Variants in CCDC39 observed in about 807,000 individuals in gnomAD.
CCDC39 encodes coiled-coil domain-containing protein 39.
Under a neutral mutation model 121.0 loss-of-function variants are expected in CCDC39, and 113 were observed. That is an observed-to-expected ratio of 0.93 (90% CI 0.80 to 1.09). The LOEUF is 1.09. CCDC39 is among the 50% of genes least tolerant of loss of function. The pLI is 0.00. For missense variants in CCDC39, 1,063 were observed against 1,074.7 expected (o/e 0.99, Z 0.15); for synonymous variants, 349 against 352.2 (o/e 0.99, Z 0.10).
At chr3:180,631,064 T>G (rs898819562) in intron 14 of CCDC39, among the ~76,000 whole-genome samples, 1 of 152,176 alleles carries the variant, frequency 6.6e-6, no homozygotes, top group Non-Finnish European at 1.5e-5. Flanking sequence ...AGAGTGATAA[T>G]AGGTCTTAAA....
At chr3:180,677,673 T>C (rs1248173159) in intron 1 of CCDC39, among the ~76,000 whole-genome samples, 1 of 152,134 alleles carries the variant, frequency 6.6e-6, no homozygotes, top group Non-Finnish European at 1.5e-5. Context: ...TCTCAAATAC[T>C]AAAATAAATA....
intron 11 of CCDC39, among the ~76,000 whole-genome samples, chr3:180,645,374 C>G (rs1287761732): frequency 3.3e-5 from 5 of 151,998 alleles, no homozygotes; most frequent in African/African-American, 1.2e-4. Context: ...CTCTTCCCAC[C>G]CAGAACCCAG....
At chr3:180,631,322 T>C (rs1717688766) in intron 14 of CCDC39, 147 bp downstream of exon 14, 2 of 709,292 alleles carry the variant, frequency 2.8e-6, no homozygotes, top group Non-Finnish European at 4.7e-6. Context: ...AGTGTAATAG[T>C]GGCCCTAATT....
chr3:180,614,825 A>T lies in CCDC39; in HGVS notation c.*96T>A. 1 of 1,141,984 alleles carries T rather than the reference A, an allele frequency of 8.8e-7. No homozygotes were observed. The allele number at this position is 1,141,984 out of a possible 1,614,324, so 70.7% of individuals were successfully genotyped here. Reference sequence around the variant, plus strand: ...TTTTTACACTTACCACTAAGTTTTTACACTTTCCACTAGATAAAATGTGTT... The same window carrying T: ...TTTTTACACTTACCACTAAGTTTTTTCACTTTCCACTAGATAAAATGTGTT... On this transcript the variant is annotated 3_prime_UTR_variant, in exon 20 of 20. Transcript: ENST00000476379.
chr3:180,625,388 TG>T (rs1717535607), intron 14 of CCDC39, among the ~76,000 whole-genome samples: 1 of 151,904 alleles, frequency 6.6e-6, no homozygotes, highest in African/African-American at 2.4e-5. Context: ...GTGAATTTTT[TG>T]CTCATACCCT....
rs1424297929 is a variant in CCDC39, at chr3:180,619,939, T to A, written c.2030A>T (p.Glu677Val). The A allele has an allele frequency of 6.2e-7, 1 of 1,608,732 alleles. No homozygotes were observed. Among genetic ancestry groups the A allele is most frequent in the Middle Eastern group, 1.7e-4 (1 of 6,042 alleles). ...GATCTTGGCATCCAAACAGTCACCTTCCCTTTGAAGTTCTTCTTTTTCTTG... is the reference window on the plus strand; with the variant it reads ...GATCTTGGCATCCAAACAGTCACCTACCCTTTGAAGTTCTTCTTTTTCTTG... ...AAQEKEELQR[E>V]GDCLDAKINK... Residue 677 changes from glutamate (E) to valine (V), a missense_variant, in exon 15 of 20, where the codon GAA becomes GTA. Physicochemically the swap from Glu to Val is moderately radical, Grantham distance 121 (BLOSUM62 -2). Coordinates refer to ENST00000476379, the MANE Select transcript of CCDC39 (RefSeq NM_181426.2).
intron 14 of CCDC39, among the ~76,000 whole-genome samples, chr3:180,623,291 T>C (rs1421339268): frequency 2.6e-5 from 4 of 151,922 alleles, no homozygotes; most frequent in Non-Finnish European, 5.9e-5. Flanking sequence ...TTCATATTTC[T>C]GTAGTTCAGT....
intron 6 of CCDC39, among the ~76,000 whole-genome samples, chr3:180,658,844 C>T (rs1024414298): frequency 6.6e-6 from 1 of 152,110 alleles, no homozygotes; most frequent in Non-Finnish European, 1.5e-5. Flanking sequence ...ACTCTGAATT[C>T]CTTCTCTTTC....
chr3:180,617,386 C>T lies in CCDC39; in HGVS notation c.2266-420G>A, dbSNP rs574486647. ...TACTTTTATTATTTTACAGTGTACT[C>T]CTATTTATTTAAAAAGTTAACTATA... On this transcript the variant is annotated intron_variant, in intron 16 of 19. Coordinates refer to ENST00000476379, the MANE Select transcript of CCDC39 (RefSeq NM_181426.2). 4.0e-5 allele frequency: 25 copies of T among 627,254 alleles called. No individual in the cohort carries two copies. The South Asian group carries it at 4.6e-4, about 11-fold the overall frequency. The allele number at this position is 627,254 out of a possible 1,614,324, so 38.9% of individuals were successfully genotyped here.
intron 1 of CCDC39, among the ~76,000 whole-genome samples, chr3:180,673,999 T>C (rs1712121423): frequency 1.3e-5 from 2 of 152,096 alleles, no homozygotes; most frequent in African/African-American, 4.8e-5. Flanking sequence ...AAGTAGTTTT[T>C]TCCAGTTCTG....
chr3:180,633,008 A>G (rs1032845626), intron 13 of CCDC39, among the ~76,000 whole-genome samples: 2 of 152,262 alleles, frequency 1.3e-5, no homozygotes, highest in Admixed American at 6.5e-5. Flanking sequence ...TAAATGAAAA[A>G]GAAAGGCAGT....
intron 18 of CCDC39, 34 bp downstream of exon 18, chr3:180,616,479 GTTT>G: frequency 3.3e-6 from 5 of 1,505,490 alleles, no homozygotes; most frequent in Non-Finnish European, 4.4e-6. Flanking sequence ...TTTTCATGAA[GTTT>G]TTAAGAAATA....
chr3:180,673,231 T>C (rs1020158054), intron 1 of CCDC39, among the ~76,000 whole-genome samples: 1 of 152,238 alleles, frequency 6.6e-6, no homozygotes, highest in Non-Finnish European at 1.5e-5. Context: ...TATTGGAGAA[T>C]TGACTCCACC....
At chr3:180,658,598 A>T (rs1486244518) in intron 6 of CCDC39, among the ~76,000 whole-genome samples, 1 of 148,904 alleles carries the variant, frequency 6.7e-6, no homozygotes, top group East Asian at 1.9e-4. Context: ...CTCCGTCTCA[A>T]AAAAAAAAAA....
At chr3:180,666,019 G>A (rs1711864998) in intron 1 of CCDC39, among the ~76,000 whole-genome samples, 1 of 151,958 alleles carries the variant, frequency 6.6e-6, no homozygotes, top group Non-Finnish European at 1.5e-5. Flanking sequence ...ACAGTTCAGT[G>A]GCAATAAGTA....
At chr3:180,615,934 C>G (rs76953596) in intron 19 of CCDC39, among the ~76,000 whole-genome samples, 2 of 152,266 alleles carry the variant, frequency 1.3e-5, no homozygotes, top group East Asian at 3.9e-4. Flanking sequence ...GCTGCCCTTA[C>G]ATGTTTTTAA....
Position 180,615,071 on chromosome 3 carries a change from A to G in CCDC39, c.2676T>C (p.Ser892=). The change falls in exon 20 of 20, where the codon TCT becomes TCC. Residue 892 remains serine (S), a synonymous_variant. Coordinates refer to ENST00000476379, the MANE Select transcript of CCDC39 (RefSeq NM_181426.2). The stretch of plus-strand genomic sequence containing the variant: ...GAGAAGTAGATGTACTTGTACTCCT[A>G]GATGACCTAGAAGAAAAACCAGAAT... The part of the protein sequence containing the change: ...PSHTSLSARS[S]RSTSTSTSQS... 2.6e-6 allele frequency: 4 copies of G among 1,531,168 alleles called. No individual in the cohort carries two copies. Among genetic ancestry groups the G allele is most frequent in the South Asian group, 1.3e-5 (1 of 77,504 alleles). 94.8% of individuals were successfully genotyped at this position (1,531,168 alleles called of 1,614,324 possible). A position where few individuals can be genotyped will look rare whatever the true frequency, so the allele number is the denominator to read the frequency against.
intron 1 of CCDC39, among the ~76,000 whole-genome samples, chr3:180,677,064 G>A (rs1297929475): frequency 6.7e-6 from 1 of 148,620 alleles, no homozygotes; most frequent in African/African-American, 2.5e-5. Context: ...GTTAATGGGT[G>A]CAGCACACCA....
At chr3:180,640,107 A>G (rs1717920795) in intron 13 of CCDC39, among the ~76,000 whole-genome samples, 1 of 152,132 alleles carries the variant, frequency 6.6e-6, no homozygotes, top group East Asian at 1.9e-4. Flanking sequence ...GTACAAAGAA[A>G]CTTGTGGGGG....
Sources: allele counts gnomAD v4.1 joint callset (sites outside exome capture counted in the v4.1 genomes callset), GRCh38; gene constraint gnomAD v4.1.1; transcripts MANE v1.5; gene names NCBI Gene and HGNC (gene_info 2026-07-23, HGNC 2026-07-21).